SLC2A13: variants seen among roughly 807,000 people sequenced by gnomAD.
SLC2A13 encodes solute carrier family 2 member 13.
SLC2A13 carries 32 observed loss-of-function variants against 64.4 expected under a neutral mutation model. The ratio of observed to expected loss-of-function variants is 0.50; its 90% CI spans 0.37 to 0.67. The LOEUF is 0.67. SLC2A13 is among the 30% of genes least tolerant of loss of function. The pLI is 0.00. For synonymous variants in SLC2A13, 338 were observed against 327.1 expected, an observed-to-expected ratio of 1.03 and a Z score of -0.36; for missense variants, 743 against 829.2, an observed-to-expected ratio of 0.90 and a Z score of 1.28.
chr12:39,830,327 G>T, intron 6 of SLC2A13, 99 bp from the exon 7 acceptor site: 1 of 1,506,798 alleles, frequency 6.6e-7, no homozygotes, highest in Non-Finnish European at 8.8e-7. Context: ...ACTCTCTTGT[G>T]CAGTAAGCTT....
At chr12:39,971,997 A>AAATATATATATATATAT (rs1375405006) in intron 3 of SLC2A13, among the ~76,000 whole-genome samples, 99 of 77,298 alleles carry the variant, frequency 1.3e-3, no homozygotes, top group African/African-American at 1.5e-3. Flanking sequence ...AAAAAAAAAA[A>AAATATATATATATATAT]ATATATATAT....
chr12:40,105,237 C>G lies in SLC2A13; in HGVS notation c.556+16G>C, dbSNP rs1333743605. On this transcript the variant is annotated intron_variant, in intron 1 of 9. Coordinates refer to ENST00000280871, the MANE Select transcript of SLC2A13 (RefSeq NM_052885.4). This position sits in a 1 kb window ranked among gnomAD's most constrained non-coding sequence, Gnocchi z 4.2. ...ACAATGGGATCCCGGGCGCCCTTCA[C>G]GGAGCCCGAACTCACCGATGCCGAG... 2 of 1,554,794 alleles carry G rather than the reference C, an allele frequency of 1.3e-6. No homozygotes were observed.
At chr12:40,024,660 A>G (rs899690101) in intron 3 of SLC2A13, among the ~76,000 whole-genome samples, 1 of 152,154 alleles carries the variant, frequency 6.6e-6, no homozygotes, top group African/African-American at 2.4e-5. Context: ...GCCTTATCCA[A>G]TGAGAATGGA....
chr12:39,787,868 T>C (rs1385261759), intron 7 of SLC2A13, among the ~76,000 whole-genome samples: 1 of 152,190 alleles, frequency 6.6e-6, no homozygotes, highest in Non-Finnish European at 1.5e-5. Flanking sequence ...TTCTGTTTGC[T>C]AGCCATGAAT....
intron 3 of SLC2A13, among the ~76,000 whole-genome samples, chr12:40,020,993 T>TG (rs1370855067): frequency 6.6e-6 from 1 of 151,472 alleles, no homozygotes; most frequent in Non-Finnish European, 1.5e-5. Context: ...TAACGGTAAG[T>TG]GGGAAAAAAG....
intron 3 of SLC2A13, among the ~76,000 whole-genome samples, chr12:39,955,523 T>C (rs1946300697): frequency 6.6e-6 from 1 of 152,096 alleles, no homozygotes; most frequent in Non-Finnish European, 1.5e-5. Flanking sequence ...AATTGTTTTT[T>C]TAAGACCAAT....
chr12:39,999,640 G>A (rs769038859), intron 3 of SLC2A13, among the ~76,000 whole-genome samples: 1 of 152,124 alleles, frequency 6.6e-6, no homozygotes, highest in Non-Finnish European at 1.5e-5. Context: ...TACGTGCACC[G>A]CTGAACATAG....
chr12:39,962,776 T>G (rs1289387724), intron 3 of SLC2A13, among the ~76,000 whole-genome samples: 1 of 152,198 alleles, frequency 6.6e-6, no homozygotes, highest in African/African-American at 2.4e-5. Context: ...ATAGTACAAT[T>G]TCTCCAAATC....
At chr12:39,932,446 C>A (rs911600823) in intron 4 of SLC2A13, among the ~76,000 whole-genome samples, 9 of 152,140 alleles carry the variant, frequency 5.9e-5, no homozygotes, top group African/African-American at 2.2e-4. Flanking sequence ...CATCTGGTTA[C>A]AAAAAAGGGA....
chr12:39,855,909 C>G (rs1402629788), intron 6 of SLC2A13, among the ~76,000 whole-genome samples: 1 of 152,132 alleles, frequency 6.6e-6, no homozygotes, highest in African/African-American at 2.4e-5. Context: ...TAGCACCACA[C>G]AACAATCTAA....
intron 1 of SLC2A13, among the ~76,000 whole-genome samples, chr12:40,099,691 T>C (rs1939081409): frequency 6.6e-6 from 1 of 152,128 alleles, no homozygotes; most frequent in Admixed American, 6.5e-5. Flanking sequence ...CACAACTAGA[T>C]CATAATCCTC....
intron 1 of SLC2A13, among the ~76,000 whole-genome samples, chr12:40,091,016 T>C (rs979889531): frequency 3.3e-5 from 5 of 152,192 alleles, no homozygotes; most frequent in African/African-American, 1.2e-4. Flanking sequence ...ACCTAAATGG[T>C]ACGGCCCACT....
chr12:39,910,172 G>A (rs1446463072), intron 4 of SLC2A13, among the ~76,000 whole-genome samples: 1 of 152,012 alleles, frequency 6.6e-6, no homozygotes, highest in Non-Finnish European at 1.5e-5. Context: ...ATCAAATGAA[G>A]CACAAACACC....
At chr12:40,035,636 G>A (rs1007313858) in intron 2 of SLC2A13, among the ~76,000 whole-genome samples, 1 of 152,160 alleles carries the variant, frequency 6.6e-6, no homozygotes, top group Non-Finnish European at 1.5e-5. Context: ...GGTAATATAT[G>A]ATCCGCAAAT....
chr12:39,824,892 T>G (rs967110910), intron 7 of SLC2A13, among the ~76,000 whole-genome samples: 1 of 152,166 alleles, frequency 6.6e-6, no homozygotes, highest in African/African-American at 2.4e-5. Flanking sequence ...GGGTAAATTC[T>G]AGACAGAAGG....
chr12:39,932,449 A>G (rs1440224096), intron 4 of SLC2A13, among the ~76,000 whole-genome samples: 1 of 152,228 alleles, frequency 6.6e-6, no homozygotes, highest in Non-Finnish European at 1.5e-5. Context: ...CTGGTTACAA[A>G]AAAGGGAAAT....
intron 7 of SLC2A13, among the ~76,000 whole-genome samples, chr12:39,798,736 A>G (rs563071961): frequency 6.6e-6 from 1 of 152,296 alleles, no homozygotes; most frequent in Non-Finnish European, 1.5e-5. Context: ...GACATTTCTC[A>G]TGACACTTTT....
In SLC2A13 at chr12:39,989,245, G is replaced by A. The variant is rs511097; in HGVS notation, c.926-37880C>T. ...TAGCCACATGGCTCACTCTCCTCAC[G>A]TATTTTAGTCTTTTGAATACATGCC... On this transcript the variant is annotated intron_variant, in intron 3 of 9. Transcript: ENST00000280871. Among the ~76,000 whole-genome samples the A allele has an allele frequency of 1.5e-3, 223 of 152,198 alleles. 1 individual carries two copies. Among genetic ancestry groups the A allele is most frequent in the African/African-American group, 5.1e-3 (210 of 41,538 alleles).
chr12:39,881,151 A>G (rs1944327522), intron 4 of SLC2A13, among the ~76,000 whole-genome samples: 2 of 152,246 alleles, frequency 1.3e-5, no homozygotes, highest in South Asian at 4.1e-4. Context: ...GAAAAAGCCA[A>G]TAAAGGTTGA....
Sources: allele counts gnomAD v4.1 joint callset (sites outside exome capture counted in the v4.1 genomes callset), GRCh38; gene constraint gnomAD v4.1.1; non-coding constraint Gnocchi (gnomAD v3.1); transcripts MANE v1.5; gene names NCBI Gene and HGNC (gene_info 2026-07-23, HGNC 2026-07-21).